Variants in ADARB1 observed in about 807,000 individuals in gnomAD.
ADARB1 encodes the protein double-stranded RNA-specific editase 1.
In ADARB1, 10 loss-of-function variants were observed where a neutral mutation model predicts 52.4. The observed-to-expected ratio is 0.19, with a 90% CI of 0.12 to 0.32. The LOEUF is 0.32. Ranked by LOEUF, ADARB1 falls within the 10% of genes least tolerant of loss-of-function variation. The probability of loss-of-function intolerance (pLI) is 1.00; values close to 1 mark genes in which losing one functional copy is unlikely to be tolerated. For synonymous variants in ADARB1, 349 were observed against 371.1 expected, an observed-to-expected ratio of 0.94 and a Z score of 0.68; for missense variants, 643 against 922.3, an observed-to-expected ratio of 0.70 and a Z score of 3.92.
intron 1 of ADARB1, among the ~76,000 whole-genome samples, chr21:45,079,981 CTGTT>C (rs779255373): frequency 3.8e-4 from 58 of 152,144 alleles, no homozygotes; most frequent in Non-Finnish European, 6.0e-4. Context: ...GAAAAGGACT[CTGTT>C]TGAAGAAGGA....
intron 2 of ADARB1, chr21:45,146,361 T>C: frequency 6.6e-6 from 1 of 152,264 alleles, no homozygotes; most frequent in East Asian, 1.9e-4. Flanking sequence ...ATTATACTTT[T>C]CTCATTTCAA....
chr21:45,150,120 C>G (rs1051535589), intron 2 of ADARB1, among the ~76,000 whole-genome samples: 1 of 152,180 alleles, frequency 6.6e-6, no homozygotes, highest in African/African-American at 2.4e-5. Flanking sequence ...CCCGTCTCTA[C>G]TAAAAATACA....
chr21:45,075,101 G>A (rs1244383113), intron 1 of ADARB1, among the ~76,000 whole-genome samples: 1 of 151,216 alleles, frequency 6.6e-6, no homozygotes, highest in Non-Finnish European at 1.5e-5. Context: ...GAGGGCAGGT[G>A]CGCCGGGACG....
intron 8 of ADARB1, among the ~76,000 whole-genome samples, chr21:45,199,992 A>C (rs1032280525): frequency 1.3e-5 from 2 of 152,264 alleles, no homozygotes; most frequent in African/African-American, 4.8e-5. Flanking sequence ...AAGCTGATAG[A>C]ACCTAGCATG....
At chr21:45,107,017 C>T (rs937991090) in intron 1 of ADARB1, among the ~76,000 whole-genome samples, 10 of 152,150 alleles carry the variant, frequency 6.6e-5, no homozygotes, top group African/African-American at 1.2e-4. Flanking sequence ...ATCTGGAAAA[C>T]CCTAGAGCAG....
In ADARB1 at chr21:45,175,784, A is replaced by G. The variant is rs2091669067; in HGVS notation, c.83A>G (p.Lys28Arg). 4 of 1,614,078 alleles carry G rather than the reference A, an allele frequency of 2.5e-6. No homozygotes were observed. In the African/African-American group the frequency reaches 5.3e-5, roughly 22 times the overall value. Residue 28 changes from lysine (K) to arginine (R), a missense_variant, in exon 4 of 11, where the codon AAG (lysine) becomes AGG (arginine). Lys to Arg is a conservative substitution (Grantham distance 26, BLOSUM62 2). This residue lies in a region of ADARB1 where 380 missense variants were observed against 446.5 expected (regional missense o/e 0.85). Coordinates refer to ENST00000348831, the MANE Select transcript of ADARB1 (RefSeq NM_001112.4). ...ENRNLDNVSP[K>R]DGSTPGPGEG... is the part of the protein sequence containing the mutation. ...CGCAATCTGGACAACGTGTCCCCCA[A>G]GGATGGCAGCACACCTGGGCCTGGC...
rs1383455062 is a variant in ADARB1, at chr21:45,224,364, T to C, written c.*2167T>C. 1.0e-6 allele frequency: 1 copy of C among 985,412 alleles called. No individual in the cohort carries two copies. The highest frequency in any genetic ancestry group is 6.2e-5 in the Admixed American group (1 of 16,258). 61.0% of individuals were successfully genotyped at this position (985,412 alleles called of 1,614,324 possible). A position where few individuals can be genotyped will look rare whatever the true frequency, so the allele number is the denominator to read the frequency against. On this transcript the variant is annotated 3_prime_UTR_variant, in exon 11 of 11. Transcript: ENST00000348831. The stretch of plus-strand genomic sequence containing the variant: ...ACCTTGTGGGGCCTGAGCAGCTACC[T>C]TGAGACCATGTGAGGTGGCACCTTT...
At chr21:45,132,855 G>C (rs145609445) in intron 2 of ADARB1, among the ~76,000 whole-genome samples, 5 of 152,196 alleles carry the variant, frequency 3.3e-5, no homozygotes, top group African/African-American at 1.2e-4. Flanking sequence ...TGAAAGCAGA[G>C]TCTACTGGAT....
At chr21:45,103,439 C>T (rs780664763) in intron 1 of ADARB1, among the ~76,000 whole-genome samples, 2 of 151,450 alleles carry the variant, frequency 1.3e-5, no homozygotes, top group Non-Finnish European at 2.9e-5. Context: ...CAGTGGGAGC[C>T]CTGAGCTTGT....
chr21:45,137,794 T>C (rs2089476500), intron 2 of ADARB1, among the ~76,000 whole-genome samples: 1 of 151,830 alleles, frequency 6.6e-6, no homozygotes, highest in African/African-American at 2.4e-5. Flanking sequence ...GGAGAGTTCA[T>C]GGATGTAGGG....
rs1410317076 is a variant in ADARB1 at position 45,223,438 on chromosome 21, C to T, written c.*1241C>T. 23 of 985,802 alleles carry T rather than the reference C, an allele frequency of 2.3e-5. No homozygotes were observed. Among genetic ancestry groups the T allele is most frequent in the Middle Eastern group, 5.2e-4 (1 of 1,916 alleles). The allele number at this position is 985,802 out of a possible 1,614,324, so 61.1% of individuals were successfully genotyped here. A position where few individuals can be genotyped will look rare whatever the true frequency, so the allele number is the denominator to read the frequency against. ...AGGTCAGGAGCGCGGCGGGCGAGGG[C>T]CCTGTGTGGACCACCTCCACCAAGC... On this transcript the variant is annotated 3_prime_UTR_variant, in exon 11 of 11. Transcript: ENST00000348831.
At chr21:45,117,767 A>G (rs2087914157) in intron 1 of ADARB1, among the ~76,000 whole-genome samples, 1 of 152,188 alleles carries the variant, frequency 6.6e-6, no homozygotes, top group South Asian at 2.1e-4. Context: ...CACATGGTAA[A>G]AAACACATTG....
intron 2 of ADARB1, among the ~76,000 whole-genome samples, chr21:45,143,425 A>G (rs1484029331): frequency 6.6e-6 from 1 of 152,036 alleles, no homozygotes; most frequent in African/African-American, 2.4e-5. Context: ...TTTCTTTTCT[A>G]TCCCACATGG....
intron 1 of ADARB1, among the ~76,000 whole-genome samples, chr21:45,096,385 G>A (rs2086761840): frequency 1.3e-5 from 2 of 152,244 alleles, no homozygotes. Flanking sequence ...AAGCTGGGCA[G>A]TCTCGCTCCC....
At chr21:45,075,903 GTTTC>G (rs1394628194) in intron 1 of ADARB1, among the ~76,000 whole-genome samples, 3 of 152,104 alleles carry the variant, frequency 2.0e-5, no homozygotes, top group Non-Finnish European at 2.9e-5. Flanking sequence ...TATCAAACTT[GTTTC>G]TTTAACGTTT....
intron 1 of ADARB1, among the ~76,000 whole-genome samples, chr21:45,097,943 C>G (rs1169472375): frequency 2.6e-5 from 4 of 152,154 alleles, no homozygotes; most frequent in African/African-American, 4.8e-5. Flanking sequence ...ACATCTGAAA[C>G]CAGAGCTTCA....
At chr21:45,195,165 G>A (rs980344951) in intron 8 of ADARB1, among the ~76,000 whole-genome samples, 1 of 152,152 alleles carries the variant, frequency 6.6e-6, no homozygotes, top group Non-Finnish European at 1.5e-5. Context: ...ATGATGTGGA[G>A]CATCTTTTCA....
chr21:45,150,403 A>AT (rs1258228775), intron 2 of ADARB1, among the ~76,000 whole-genome samples: 2 of 152,224 alleles, frequency 1.3e-5, no homozygotes, highest in East Asian at 3.8e-4. Flanking sequence ...TCAAAAAATT[A>AT]TTTTTTCTAA....
intron 2 of ADARB1, among the ~76,000 whole-genome samples, chr21:45,140,764 G>A (rs1649727948): frequency 6.6e-6 from 1 of 152,136 alleles, no homozygotes; most frequent in South Asian, 2.1e-4. Flanking sequence ...CTTATAGCTG[G>A]TTTAATTCAG....
Sources: allele counts gnomAD v4.1 joint callset (sites outside exome capture counted in the v4.1 genomes callset), GRCh38; gene constraint gnomAD v4.1.1; regional missense constraint gnomAD v4.1.1; transcripts MANE v1.5; gene names NCBI Gene and HGNC (gene_info 2026-07-23, HGNC 2026-07-21).